TENM1: variants seen among roughly 807,000 people sequenced by gnomAD.
TENM1 encodes teneurin transmembrane protein 1, also known as teneurin-1.
Under a neutral mutation model 174.8 loss-of-function variants are expected in TENM1, and 35 were observed. That is an observed-to-expected ratio of 0.20 (90% CI 0.15 to 0.27). TENM1 has a LOEUF of 0.27. TENM1 is among the 10% of genes least tolerant of loss of function. The pLI is 1.00. For synonymous variants in TENM1, 781 were observed against 798.7 expected, an observed-to-expected ratio of 0.98 and a Z score of 0.37; for missense variants, 1,633 against 2,130.1, an observed-to-expected ratio of 0.77 and a Z score of 4.59.
the TENM1 span, among the ~76,000 whole-genome samples, chrX:125,051,915 G>T: frequency 0.014 from 1,503 of 106,862 alleles, 15 homozygotes; most frequent in Non-Finnish European, 0.023. Flanking sequence ...GCAACCTACA[G>T]AATGGGAGAA....
At chrX:125,181,934 G>T in the TENM1 span, among the ~76,000 whole-genome samples, 1 of 111,850 alleles carries the variant, frequency 8.9e-6, no homozygotes, top group Non-Finnish European at 1.9e-5. Context: ...TACATTTTCC[G>T]TACTGAGTAA....
At chrX:124,460,569 G>C (rs1187287742) in intron 22 of TENM1, among the ~76,000 whole-genome samples, 14 of 109,904 alleles carry the variant, frequency 1.3e-4, no homozygotes, top group African/African-American at 4.6e-4. Context: ...CACACACTGG[G>C]GCCTATCGGA....
chrX:125,134,427 G>A, the TENM1 span, among the ~76,000 whole-genome samples: 10 of 112,369 alleles, frequency 8.9e-5, no homozygotes, highest in Non-Finnish European at 1.5e-4. Flanking sequence ...CAAGTTGCTT[G>A]TATGTTTGGA....
At chrX:124,710,579 C>A (rs984755545) in intron 4 of TENM1, among the ~76,000 whole-genome samples, 2 of 111,720 alleles carry the variant, frequency 1.8e-5, no homozygotes, top group Non-Finnish European at 3.8e-5. Context: ...CTGATGTACA[C>A]CAAAGGATTT....
At chrX:124,497,157 C>T in exon 20 of TENM1, 1 of 1,209,847 alleles carries the variant, frequency 8.3e-7, no homozygotes, top group Non-Finnish European at 1.1e-6. Context: ...TGGGCCATTG[C>T]AGTTGGTGCA....
At chrX:124,645,572 T>C (rs945928373) in intron 9 of TENM1, among the ~76,000 whole-genome samples, 1 of 112,109 alleles carries the variant, frequency 8.9e-6, no homozygotes, top group Admixed American at 9.5e-5. Context: ...TTGCATTTGA[T>C]CTCACCCTAC....
At chrX:124,460,500 T>C (rs2061157788) in intron 22 of TENM1, among the ~76,000 whole-genome samples, 1 of 110,966 alleles carries the variant, frequency 9.0e-6, no homozygotes, top group Admixed American at 9.6e-5. Flanking sequence ...ATACCACATG[T>C]TCTCACTTAT....
intron 24 of TENM1, among the ~76,000 whole-genome samples, chrX:124,421,594 C>T (rs1351227476): frequency 9.9e-6 from 1 of 101,330 alleles, no homozygotes; most frequent in Non-Finnish European, 2.0e-5. Context: ...ATATCCACTA[C>T]ATGTTTTGGG....
chrX:124,846,371 G>A (rs1262864340), intron 3 of TENM1, among the ~76,000 whole-genome samples: 1 of 111,307 alleles, frequency 9.0e-6, no homozygotes, highest in Non-Finnish European at 1.9e-5. Context: ...ATTTCCAATT[G>A]CCATTAAATA....
intron 3 of TENM1, among the ~76,000 whole-genome samples, chrX:124,788,038 G>A (rs978445894): frequency 5.4e-5 from 6 of 111,211 alleles, no homozygotes; most frequent in East Asian, 2.8e-4. Flanking sequence ...GGCAACTCCC[G>A]TTTTAAAAAC....
intron 3 of TENM1, among the ~76,000 whole-genome samples, chrX:124,824,922 T>A (rs368508480): frequency 1.8e-5 from 2 of 110,961 alleles, no homozygotes; most frequent in African/African-American, 3.3e-5. Flanking sequence ...TTTCCAGAAA[T>A]AAATTAACCC....
Position 124,384,867 on chromosome X carries a change from A to G in TENM1, c.6077-13T>C. On this transcript the variant is annotated splice_polypyrimidine_tract_variant and intron_variant, in intron 29 of 31. Transcript: ENST00000422452. ...CCAATAAGAGGTCCTGCAGGAACCA[A>G]AACAAAAACAGTAAGAAGCTAGGCG... 8.4e-7 allele frequency: 1 copy of G among 1,186,910 alleles called. No homozygotes were observed. Among genetic ancestry groups the G allele is most frequent in the Non-Finnish European group, 1.1e-6 (1 of 882,182 alleles).
intron 11 of TENM1, among the ~76,000 whole-genome samples, chrX:124,583,642 A>G (rs1171029898): frequency 2.0e-4 from 21 of 107,566 alleles, no homozygotes; most frequent in African/African-American, 3.8e-4. Flanking sequence ...TCCTCCTCCA[A>G]AGGAATGCAG....
chrX:124,931,388 C>T (rs1050091681), intron 1 of TENM1, among the ~76,000 whole-genome samples: 10 of 110,704 alleles, frequency 9.0e-5, no homozygotes, highest in African/African-American at 3.3e-4. Context: ...TGTAAGAATT[C>T]ACCACCTGGA....
chrX:125,189,353 G>A, the TENM1 span, among the ~76,000 whole-genome samples: 1 of 112,385 alleles, frequency 8.9e-6, no homozygotes, highest in Non-Finnish European at 1.9e-5. Context: ...AATACTGAAT[G>A]TGGGCTAACT....
intron 3 of TENM1, among the ~76,000 whole-genome samples, chrX:124,791,027 C>T (rs746721010): frequency 9.0e-6 from 1 of 111,450 alleles, no homozygotes; most frequent in Non-Finnish European, 1.9e-5. Context: ...AAAATTTAGG[C>T]AAGCAGAAAA....
chrX:124,421,787 T>C (rs912532157), intron 24 of TENM1, among the ~76,000 whole-genome samples: 10 of 111,739 alleles, frequency 8.9e-5, no homozygotes, highest in African/African-American at 2.9e-4. Flanking sequence ...TTAGTCCCTT[T>C]GAGTCTCAAA....
intron 11 of TENM1, among the ~76,000 whole-genome samples, chrX:124,627,400 A>G (rs1316410890): frequency 1.8e-5 from 2 of 112,239 alleles, no homozygotes; most frequent in Non-Finnish European, 3.8e-5. Flanking sequence ...AGTCAAGTCT[A>G]TATATGAAAA....
intron 3 of TENM1, among the ~76,000 whole-genome samples, chrX:124,782,935 C>T (rs2054947837): frequency 9.0e-6 from 1 of 111,615 alleles, no homozygotes. Flanking sequence ...ATTTAATTGA[C>T]TTGACTTAAA....
Sources: gnomAD v4.1 joint callset for allele counts (sites outside exome capture counted in the v4.1 genomes callset) on GRCh38, gnomAD v4.1.1 for gene constraint, MANE v1.5 for transcripts, NCBI Gene and HGNC (gene_info 2026-07-23, HGNC 2026-07-21) for gene names.